Variants in FHOD3 observed in about 807,000 individuals in gnomAD.
The protein encoded by FHOD3 is formin homology 2 domain containing 3.
In FHOD3, 90 loss-of-function variants were observed where a neutral mutation model predicts 173.0. That is an observed-to-expected ratio of 0.52 (90% CI 0.44 to 0.62). The LOEUF (loss-of-function observed/expected upper bound fraction) is 0.62. Ranked by LOEUF, FHOD3 falls within the 20% of genes least tolerant of loss-of-function variation. The probability of loss-of-function intolerance (pLI) is 0.00; values close to 1 mark genes in which losing one functional copy is unlikely to be tolerated. For synonymous variants in FHOD3, 828 were observed against 823.0 expected, an observed-to-expected ratio of 1.01 and a Z score of -0.10; for missense variants, 1,945 against 2,034.7, an observed-to-expected ratio of 0.96 and a Z score of 0.85.
intron 20 of FHOD3, among the ~76,000 whole-genome samples, chr18:36,732,854 G>A (rs966240324): frequency 9.2e-5 from 14 of 152,160 alleles, no homozygotes; most frequent in African/African-American, 2.2e-4. Flanking sequence ...GCGTGTCCCC[G>A]CAGACCCTAA....
chr18:36,373,336 A>C (rs1311181651), intron 3 of FHOD3, among the ~76,000 whole-genome samples: 1 of 152,178 alleles, frequency 6.6e-6, no homozygotes, highest in Non-Finnish European at 1.5e-5. Flanking sequence ...TATGCCTAGA[A>C]GTTTTTAGTA....
At chr18:36,320,875 A>G (rs2044359306) in intron 1 of FHOD3, among the ~76,000 whole-genome samples, 1 of 152,218 alleles carries the variant, frequency 6.6e-6, no homozygotes, top group Non-Finnish European at 1.5e-5. Flanking sequence ...CACTGAAGAA[A>G]ACAGGCAGAA....
At chr18:36,490,574 A>G (rs1417796437) in intron 3 of FHOD3, among the ~76,000 whole-genome samples, 2 of 152,158 alleles carry the variant, frequency 1.3e-5, no homozygotes, top group African/African-American at 4.8e-5. Flanking sequence ...CTCTTGGTGA[A>G]TAGCTCTTTG....
chr18:36,779,192 G>T, intron 28 of FHOD3: 1 of 526,258 alleles, frequency 1.9e-6, no homozygotes, highest in African/African-American at 1.9e-5. Flanking sequence ...ATAAGTGCCC[G>T]CATCACTCCT....
intron 14 of FHOD3, among the ~76,000 whole-genome samples, chr18:36,679,343 A>G (rs2038081771): frequency 6.6e-6 from 1 of 152,022 alleles, no homozygotes; most frequent in African/African-American, 2.4e-5. Context: ...TTTCACAATT[A>G]TAAACCAGCT....
At chr18:36,755,931 A>G (rs1036895779) in intron 25 of FHOD3, among the ~76,000 whole-genome samples, 36 of 151,996 alleles carry the variant, frequency 2.4e-4, no homozygotes, top group Non-Finnish European at 5.9e-5. Context: ...GCCCCTGCAC[A>G]CTTACATGTC....
At chr18:36,454,274 A>C (rs1383183600) in intron 3 of FHOD3, among the ~76,000 whole-genome samples, 1 of 151,974 alleles carries the variant, frequency 6.6e-6, no homozygotes, top group Non-Finnish European at 1.5e-5. Flanking sequence ...GCACACACAC[A>C]AGAGGGTACA....
chr18:36,516,061 C>T (rs1352839784), intron 5 of FHOD3, among the ~76,000 whole-genome samples: 2 of 152,202 alleles, frequency 1.3e-5, no homozygotes, highest in Non-Finnish European at 2.9e-5. Context: ...TATGATTTTC[C>T]TTAGTTCATA....
At chr18:36,504,855 A>G (rs1200409768) in intron 4 of FHOD3, among the ~76,000 whole-genome samples, 1 of 152,232 alleles carries the variant, frequency 6.6e-6, no homozygotes, top group East Asian at 1.9e-4. Flanking sequence ...AATGAATTTG[A>G]AAAATTTTGA....
intron 3 of FHOD3, among the ~76,000 whole-genome samples, chr18:36,436,217 C>G (rs1186841747): frequency 6.6e-6 from 1 of 152,114 alleles, no homozygotes; most frequent in East Asian, 1.9e-4. Flanking sequence ...GAAATAAGTT[C>G]TTAGCATTTC....
chr18:36,548,069 G>A (rs2057486600), intron 5 of FHOD3, among the ~76,000 whole-genome samples: 1 of 152,158 alleles, frequency 6.6e-6, no homozygotes. Context: ...GTGCATGCCT[G>A]TTATCTCAGT....
At chr18:36,378,699 G>A (rs187674087) in intron 3 of FHOD3, among the ~76,000 whole-genome samples, 1 of 150,204 alleles carries the variant, frequency 6.7e-6, no homozygotes, top group Non-Finnish European at 1.5e-5. Flanking sequence ...TTTTTGTTTT[G>A]AGACAAAGTT....
intron 5 of FHOD3, among the ~76,000 whole-genome samples, chr18:36,515,304 G>A (rs781631981): frequency 6.6e-6 from 1 of 151,904 alleles, no homozygotes; most frequent in Non-Finnish European, 1.5e-5. Context: ...TGCAAGCTCC[G>A]CCACCCAGGT....
At chr18:36,672,355 G>A (rs1211148298) in intron 14 of FHOD3, among the ~76,000 whole-genome samples, 1 of 152,096 alleles carries the variant, frequency 6.6e-6, no homozygotes, top group East Asian at 1.9e-4. Flanking sequence ...TTTTGGCCAG[G>A]CTCACCTTGA....
At chr18:36,559,549 A>G (rs1356410725) in intron 5 of FHOD3, among the ~76,000 whole-genome samples, 2 of 152,120 alleles carry the variant, frequency 1.3e-5, no homozygotes, top group African/African-American at 4.8e-5. Flanking sequence ...TCTGCACTAC[A>G]TTTTAGCATC....
chr18:36,548,668 G>A (rs529431936), intron 5 of FHOD3, among the ~76,000 whole-genome samples: 2 of 152,278 alleles, frequency 1.3e-5, no homozygotes, highest in African/African-American at 2.4e-5. Flanking sequence ...CTACAATTGT[G>A]TATGAATTGG....
chr18:36,753,086 C>A (rs2042474364), intron 24 of FHOD3, among the ~76,000 whole-genome samples: 1 of 152,134 alleles, frequency 6.6e-6, no homozygotes, highest in Middle Eastern at 3.4e-3. Flanking sequence ...TGGGCAGAGA[C>A]CTGTGGAATG....
At chr18:36,437,665 C>CTTTTTTTTTTTTTTTTTTTTTTTTTTTT (rs1555704498) in intron 3 of FHOD3, among the ~76,000 whole-genome samples, 2 of 69,442 alleles carry the variant, frequency 2.9e-5, no homozygotes, top group African/African-American at 9.0e-5. Flanking sequence ...TTCTTTCTTT[C>CTTTTTTTTTTTTTTTTTTTTTTTTTTTT]TTTTTTTTTT....
chr18:36,684,396 A>G (rs1600230041), intron 15 of FHOD3, among the ~76,000 whole-genome samples: 1 of 152,232 alleles, frequency 6.6e-6, no homozygotes, highest in Non-Finnish European at 1.5e-5. Context: ...CACAAAGGAC[A>G]TAGATATTAT....
Sources: gnomAD v4.1 joint callset for allele counts (sites outside exome capture counted in the v4.1 genomes callset) on GRCh38, gnomAD v4.1.1 for gene constraint, MANE v1.5 for transcripts, NCBI Gene and HGNC (gene_info 2026-07-23, HGNC 2026-07-21) for gene names.